ARHGAP15: variants seen among roughly 807,000 people sequenced by gnomAD.
ARHGAP15 encodes the protein rho GTPase-activating protein 15.
ARHGAP15 carries 51 observed loss-of-function variants against 63.7 expected under a neutral mutation model. The ratio of observed to expected loss-of-function variants is 0.80; its 90% confidence interval spans 0.64 to 1.01. ARHGAP15 has a LOEUF of 1.01. ARHGAP15 is among the 50% of genes least tolerant of loss of function. The pLI is 0.00. For missense variants in ARHGAP15, 560 were observed against 564.6 expected, an observed-to-expected ratio of 0.99 and a Z score of 0.08; for synonymous variants, 191 against 193.8, an observed-to-expected ratio of 0.99 and a Z score of 0.12.
At chr2:143,686,371 G>A (rs370116255) in intron 12 of ARHGAP15, among the ~76,000 whole-genome samples, 72 of 122,876 alleles carry the variant, frequency 5.9e-4, no homozygotes, top group Admixed American at 3.5e-3. Flanking sequence ...GTGACAGAGC[G>A]AGACTCTGTC....
intron 1 of ARHGAP15, among the ~76,000 whole-genome samples, chr2:143,135,798 T>G (rs1689111852): frequency 6.6e-6 from 1 of 152,234 alleles, no homozygotes; most frequent in South Asian, 2.1e-4. Context: ...CATCTAGCTC[T>G]CTAAATGTTG....
chr2:143,448,393 G>T (rs1690245173), intron 8 of ARHGAP15, among the ~76,000 whole-genome samples: 1 of 152,070 alleles, frequency 6.6e-6, no homozygotes, highest in Non-Finnish European at 1.5e-5. Flanking sequence ...GGAAAATGTG[G>T]AGAATGGCAG....
chr2:143,361,375 A>G (rs1686046480), intron 6 of ARHGAP15, among the ~76,000 whole-genome samples: 2 of 152,322 alleles, frequency 1.3e-5, no homozygotes, highest in African/African-American at 4.8e-5. Context: ...TACAAACATT[A>G]TTAATTAAGA....
intron 6 of ARHGAP15, among the ~76,000 whole-genome samples, chr2:143,328,185 A>C (rs1684344091): frequency 2.0e-5 from 3 of 152,176 alleles, no homozygotes; most frequent in Non-Finnish European, 4.4e-5. Context: ...GACAGTGTGA[A>C]GATTCCTCAA....
intron 10 of ARHGAP15, among the ~76,000 whole-genome samples, chr2:143,543,510 C>T (rs1241613698): frequency 6.6e-6 from 1 of 152,082 alleles, no homozygotes; most frequent in Admixed American, 6.6e-5. Flanking sequence ...GTTGCCACTC[C>T]ACTCTGTTGA....
chr2:143,400,992 A>G lies in ARHGAP15; in HGVS notation c.475-34609A>G, dbSNP rs116283145. ...CTGCTAAATGATGTTATAAATATCA[A>G]GATTAGTTTCTTCTGAAATCACCAG... On this transcript the variant is annotated intron_variant, in intron 6 of 13. Coordinates refer to ENST00000295095, the MANE Select transcript of ARHGAP15 (RefSeq NM_018460.4). Among the ~76,000 whole-genome samples the G allele has an allele frequency of 8.5e-3, 1,286 of 152,154 alleles. 18 individuals are homozygous for G. The highest frequency in any genetic ancestry group is 0.029 in the African/African-American group (1,210 of 41,554).
At chr2:143,658,278 G>C (rs1057279775) in intron 12 of ARHGAP15, among the ~76,000 whole-genome samples, 1 of 152,196 alleles carries the variant, frequency 6.6e-6, no homozygotes. Flanking sequence ...CCAATGTGAA[G>C]ACTAGAGTTC....
intron 6 of ARHGAP15, among the ~76,000 whole-genome samples, chr2:143,414,789 C>T (rs188301223): frequency 9.2e-5 from 14 of 152,170 alleles, no homozygotes; most frequent in South Asian, 8.3e-4. Context: ...AAAAGTTAGC[C>T]GGGCGTGGTG....
intron 6 of ARHGAP15, among the ~76,000 whole-genome samples, chr2:143,423,264 A>C (rs1411739626): frequency 1.3e-5 from 2 of 152,130 alleles, no homozygotes; most frequent in Non-Finnish European, 2.9e-5. Flanking sequence ...CCACTGTGAC[A>C]CTGTGGAATA....
intron 9 of ARHGAP15, among the ~76,000 whole-genome samples, chr2:143,492,689 GA>G (rs1417639740): frequency 6.6e-5 from 10 of 152,168 alleles, no homozygotes; most frequent in Non-Finnish European, 1.5e-4. Flanking sequence ...TTGAGCCCAA[GA>G]AGTCAAGGCT....
intron 6 of ARHGAP15, among the ~76,000 whole-genome samples, chr2:143,278,809 T>G (rs542785734): frequency 9.2e-5 from 14 of 152,104 alleles, no homozygotes; most frequent in Admixed American, 9.2e-4. Context: ...CATAGTCACA[T>G]TTTGAGATAC....
chr2:143,419,931 T>C (rs1185726501), intron 6 of ARHGAP15, among the ~76,000 whole-genome samples: 1 of 152,140 alleles, frequency 6.6e-6, no homozygotes, highest in Non-Finnish European at 1.5e-5. Flanking sequence ...TTTCACTTAA[T>C]TGTTTTAAAG....
In ARHGAP15 at chr2:143,292,517, T is replaced by G. The variant is rs1219267658; in HGVS notation, c.474+41917T>G. 2.0e-5 allele frequency among the ~76,000 whole-genome samples: 3 copies of G among 152,044 alleles called. No homozygotes were observed. The East Asian group carries it at 5.8e-4, about 29-fold the overall frequency. ...CTTGTTAGTAGCAACACTAATAATG[T>G]CATTTATATACTTCACCTTGTCCAT... is the stretch of plus-strand genomic sequence containing the variant. On this transcript the variant is annotated intron_variant, in intron 6 of 13. Transcript: ENST00000295095.
intron 6 of ARHGAP15, among the ~76,000 whole-genome samples, chr2:143,308,370 G>A (rs982373456): frequency 7.9e-5 from 12 of 151,950 alleles, no homozygotes; most frequent in South Asian, 4.1e-4. Context: ...TCTTGAGGTC[G>A]CACTAGCTCA....
At chr2:143,135,254 A>G (rs1558766500) in intron 1 of ARHGAP15, among the ~76,000 whole-genome samples, 1 of 152,234 alleles carries the variant, frequency 6.6e-6, no homozygotes, top group Non-Finnish European at 1.5e-5. Flanking sequence ...ATCTGATGAA[A>G]GCATTTTCTG....
At chr2:143,567,753 A>G (rs948244260) in intron 11 of ARHGAP15, among the ~76,000 whole-genome samples, 2 of 152,140 alleles carry the variant, frequency 1.3e-5, no homozygotes, top group Non-Finnish European at 2.9e-5. Context: ...CAGTGAGGTG[A>G]TTTGTTGCCA....
chr2:143,666,801 C>T (rs1406445184), intron 12 of ARHGAP15, among the ~76,000 whole-genome samples: 1 of 148,728 alleles, frequency 6.7e-6, no homozygotes, highest in Non-Finnish European at 1.5e-5. Context: ...TTTATGCAGC[C>T]AAAAAACACA....
chr2:143,462,159 C>G (rs1050824917), intron 8 of ARHGAP15, among the ~76,000 whole-genome samples: 1 of 151,942 alleles, frequency 6.6e-6, no homozygotes, highest in Admixed American at 6.6e-5. Flanking sequence ...GAACTTGTCT[C>G]AATAAAATAA....
chr2:143,593,511 ATATTT>A (rs541583952), intron 11 of ARHGAP15, among the ~76,000 whole-genome samples: 24 of 152,304 alleles, frequency 1.6e-4, no homozygotes, highest in African/African-American at 4.3e-4. Context: ...ATGATCTGAT[ATATTT>A]TATTGTTAGG....
Sources: gnomAD v4.1 joint callset for allele counts (sites outside exome capture counted in the v4.1 genomes callset) on GRCh38, gnomAD v4.1.1 for gene constraint, MANE v1.5 for transcripts, NCBI Gene and HGNC (gene_info 2026-07-23, HGNC 2026-07-21) for gene names.